PARD3B: variants seen among roughly 807,000 people sequenced by gnomAD.
The protein encoded by PARD3B is partitioning defective 3 homolog B.
Under a neutral mutation model 130.2 loss-of-function variants are expected in PARD3B, and 103 were observed. That is an observed-to-expected ratio of 0.79 (90% CI 0.67 to 0.93). The LOEUF (loss-of-function observed/expected upper bound fraction) is 0.93. PARD3B is among the 40% of genes least tolerant of loss of function. The pLI is 0.00. For missense variants in PARD3B, 1,609 were observed against 1,499.2 expected, an observed-to-expected ratio of 1.07 and a Z score of -1.21; for synonymous variants, 583 against 553.2, an observed-to-expected ratio of 1.05 and a Z score of -0.76.
At chr2:205,285,937 T>C (rs2041379640) in intron 16 of PARD3B, among the ~76,000 whole-genome samples, 1 of 152,168 alleles carries the variant, frequency 6.6e-6, no homozygotes, top group Non-Finnish European at 1.5e-5. Context: ...TTTTAATTAG[T>C]AGCAACATAT....
intron 21 of PARD3B, among the ~76,000 whole-genome samples, chr2:205,540,229 T>TAA (rs996649537): frequency 2.1e-5 from 3 of 140,690 alleles, no homozygotes; most frequent in Admixed American, 7.1e-5. Flanking sequence ...AAGAGCATAA[T>TAA]AAAAAAAAAA....
At chr2:205,273,406 G>A (rs185853911) in intron 16 of PARD3B, among the ~76,000 whole-genome samples, 1 of 152,314 alleles carries the variant, frequency 6.6e-6, no homozygotes, top group Non-Finnish European at 1.5e-5. Flanking sequence ...AACAATGCCA[G>A]AGCAGAAGCA....
intron 11 of PARD3B, among the ~76,000 whole-genome samples, chr2:205,159,706 C>T (rs1319839666): frequency 6.6e-6 from 1 of 152,136 alleles, no homozygotes; most frequent in African/African-American, 2.4e-5. Context: ...GCACCTCTTG[C>T]CACCCTCATT....
At chr2:204,872,303 T>C (rs1016360743) in intron 2 of PARD3B, among the ~76,000 whole-genome samples, 1 of 152,030 alleles carries the variant, frequency 6.6e-6, no homozygotes, top group African/African-American at 2.4e-5. Flanking sequence ...GTAATATATA[T>C]GTATGCATAT....
chr2:204,651,403 AT>A (rs2035473740), intron 1 of PARD3B, among the ~76,000 whole-genome samples: 1 of 152,226 alleles, frequency 6.6e-6, no homozygotes, highest in African/African-American at 2.4e-5. Flanking sequence ...GGCACTCATT[AT>A]ATCTTAAAGC....
At position 205,612,440 on chromosome 2, in the gene PARD3B, C is replaced by T. The variant is rs547704577; in HGVS notation, c.3261-3016C>T. Among the ~76,000 whole-genome samples, 15 of 152,206 alleles carry T rather than the reference C, an allele frequency of 9.9e-5. No homozygotes were observed. In the South Asian group the frequency reaches 3.1e-3, roughly 32 times the overall value. On this transcript the variant is annotated intron_variant, in intron 22 of 22. Coordinates refer to ENST00000406610, the MANE Select transcript of PARD3B (RefSeq NM_001302769.2). The stretch of plus-strand genomic sequence containing the variant: ...TACAGGCATGAGCCACCGCCCCCGG[C>T]CAAAATTAGTTTTTTTAATAATTTA...
chr2:205,482,617 G>C (rs1001962208), intron 20 of PARD3B: 1 of 152,490 alleles, frequency 6.6e-6, no homozygotes, highest in Non-Finnish European at 1.5e-5. Context: ...AGGCGGGGGT[G>C]GGGGGCATTG....
chr2:205,418,063 T>C (rs1559074539), intron 19 of PARD3B, among the ~76,000 whole-genome samples: 1 of 152,192 alleles, frequency 6.6e-6, no homozygotes, highest in East Asian at 1.9e-4. Context: ...ACTTGGTCAC[T>C]TCAGTGGAAT....
intron 4 of PARD3B, among the ~76,000 whole-genome samples, chr2:205,048,909 T>C (rs1190287484): frequency 1.3e-5 from 2 of 152,196 alleles, no homozygotes. Context: ...ATCAGGTGTA[T>C]GTGTTCTATT....
At position 205,121,536 on chromosome 2, in the gene PARD3B, G is replaced by A; in HGVS notation, c.807-55G>A. On this transcript the variant is annotated intron_variant, in intron 7 of 22. Transcript: ENST00000406610. The surrounding 1 kb of genome is among the most constrained non-coding windows in gnomAD (Gnocchi z 5.0). Reference sequence around the variant, plus strand: ...GTTGCCATCCTCCTGGGGTACTTTAGAAGATGCTGCACCTCAAAGCAGGGT... The same window carrying A: ...GTTGCCATCCTCCTGGGGTACTTTAAAAGATGCTGCACCTCAAAGCAGGGT... The A allele has an allele frequency of 1.3e-6, 2 of 1,492,568 alleles. No individual in the cohort carries two copies. The highest frequency in any genetic ancestry group is 1.8e-6 in the Non-Finnish European group (2 of 1,084,782). 92.5% of individuals were successfully genotyped at this position (1,492,568 alleles called of 1,614,324 possible).
intron 10 of PARD3B, among the ~76,000 whole-genome samples, chr2:205,156,568 A>T (rs2034184623): frequency 6.6e-6 from 1 of 151,634 alleles, no homozygotes. Flanking sequence ...AGTCTGACAT[A>T]GGAACCACAC....
chr2:205,532,448 A>G (rs1056705287), intron 21 of PARD3B, among the ~76,000 whole-genome samples: 2 of 152,118 alleles, frequency 1.3e-5, no homozygotes, highest in Non-Finnish European at 2.9e-5. Flanking sequence ...AAGCCCCAAT[A>G]TCCTTCTCAA....
intron 2 of PARD3B, among the ~76,000 whole-genome samples, chr2:204,697,229 CT>C (rs1439442752): frequency 2.0e-5 from 3 of 152,012 alleles, no homozygotes; most frequent in Non-Finnish European, 4.4e-5. Context: ...AATAGTTCGC[CT>C]TTTAAATGGG....
intron 4 of PARD3B, among the ~76,000 whole-genome samples, chr2:205,069,872 T>G (rs1700617115): frequency 6.6e-6 from 1 of 152,120 alleles, no homozygotes; most frequent in African/African-American, 2.4e-5. Flanking sequence ...GTATCTACAC[T>G]CTACACTGCC....
At chr2:205,235,421 T>TA (rs984856965) in intron 15 of PARD3B, among the ~76,000 whole-genome samples, 34 of 152,090 alleles carry the variant, frequency 2.2e-4, no homozygotes, top group African/African-American at 6.3e-4. Flanking sequence ...AGAACCTGTC[T>TA]AAAAAGAAAA....
At chr2:205,512,989 C>CT (rs34921395) in intron 21 of PARD3B, among the ~76,000 whole-genome samples, 69,393 of 143,258 alleles carry the variant, frequency 0.48, 17,409 homozygotes, top group Middle Eastern at 0.68. Flanking sequence ...TTTTTTCCTT[C>CT]TTTTTTTTTT....
At chr2:205,532,244 G>A (rs978082057) in intron 21 of PARD3B, among the ~76,000 whole-genome samples, 3 of 152,166 alleles carry the variant, frequency 2.0e-5, no homozygotes, top group Admixed American at 1.3e-4. Flanking sequence ...TGGTCATGAT[G>A]AGTCATATTT....
intron 2 of PARD3B, among the ~76,000 whole-genome samples, chr2:204,756,227 T>C (rs1213972724): frequency 1.3e-5 from 2 of 152,116 alleles, no homozygotes; most frequent in Non-Finnish European, 2.9e-5. Context: ...AAAACATCTT[T>C]TTATGGACAG....
intron 15 of PARD3B, among the ~76,000 whole-genome samples, chr2:205,228,902 C>A (rs2038698058): frequency 6.6e-6 from 1 of 152,106 alleles, no homozygotes; most frequent in Non-Finnish European, 1.5e-5. Context: ...CTCATGCATT[C>A]TACACTATGT....
Sources: allele counts gnomAD v4.1 joint callset (sites outside exome capture counted in the v4.1 genomes callset), GRCh38; gene constraint gnomAD v4.1.1; non-coding constraint Gnocchi (gnomAD v3.1); transcripts MANE v1.5; gene names NCBI Gene and HGNC (gene_info 2026-07-23, HGNC 2026-07-21).